The following STK32B variants were observed in gnomAD, a reference collection of about 807,000 sequenced individuals.
STK32B encodes the protein serine/threonine-protein kinase 32B.
In STK32B, 43 loss-of-function variants were observed where a neutral mutation model predicts 52.6. The ratio of observed to expected loss-of-function variants is 0.82; its 90% CI spans 0.64 to 1.05. The LOEUF (loss-of-function observed/expected upper bound fraction) is 1.05. Ranked by LOEUF, STK32B falls within the 50% of genes least tolerant of loss-of-function variation. STK32B has a pLI of 0.00. For missense variants in STK32B, 621 were observed against 534.6 expected, an observed-to-expected ratio of 1.16 and a Z score of -1.59; for synonymous variants, 238 against 204.3, an observed-to-expected ratio of 1.17 and a Z score of -1.41.
chr4:5,494,731 G>GT (rs996772426), intron 11 of STK32B, among the ~76,000 whole-genome samples: 1 of 151,646 alleles, frequency 6.6e-6, no homozygotes, highest in African/African-American at 2.4e-5. Context: ...TCCTTTCCAT[G>GT]TTTAGTGCTT....
At chr4:5,284,967 T>G (rs997894376) in intron 3 of STK32B, among the ~76,000 whole-genome samples, 4 of 152,196 alleles carry the variant, frequency 2.6e-5, no homozygotes, top group African/African-American at 9.6e-5. Context: ...TGCCTGATAA[T>G]GTACCACAGC....
chr4:5,459,912 C>G (rs942569745), intron 8 of STK32B, among the ~76,000 whole-genome samples, 191 bp from the exon 9 acceptor site: 3 of 152,200 alleles, frequency 2.0e-5, no homozygotes, highest in African/African-American at 7.2e-5. Flanking sequence ...CCTGACCTCT[C>G]AGTTTCTCCC....
chr4:5,186,004 C>T lies in STK32B; in HGVS notation c.260+17554C>T, dbSNP rs78972693. 7.1e-3 allele frequency among the ~76,000 whole-genome samples: 1,081 copies of T among 152,338 alleles called. 8 individuals are homozygous for T. Among genetic ancestry groups the T allele is most frequent in the African/African-American group, 0.024 (1,007 of 41,564 alleles). ...CTCAGGCTGTGCCCTCTGCCTGGAA[C>T]ACCGTCTGTTCTTCGGTCACTGCGA... On this transcript the variant is annotated intron_variant, in intron 3 of 11. Coordinates refer to ENST00000282908, the MANE Select transcript of STK32B (RefSeq NM_018401.3).
chr4:5,395,116 T>G lies in STK32B; in HGVS notation c.435-3091T>G, dbSNP rs780950223. Among the ~76,000 whole-genome samples the G allele has an allele frequency of 1.8e-4, 28 of 152,146 alleles. No individual in the cohort carries two copies. Among genetic ancestry groups the G allele is most frequent in the Non-Finnish European group, 3.4e-4 (23 of 68,038 alleles). ...TTGCTACATATAGGCCAGCGGTCACTCTTCCTCCCAGGGACAGCTACATTC... is the reference window on the plus strand; with the variant it reads ...TTGCTACATATAGGCCAGCGGTCACGCTTCCTCCCAGGGACAGCTACATTC... On this transcript the variant is annotated intron_variant, in intron 4 of 11. Transcript: ENST00000282908. This position sits in a 1 kb window ranked among gnomAD's most constrained non-coding sequence, Gnocchi z 4.4.
intron 1 of STK32B, among the ~76,000 whole-genome samples, chr4:5,077,256 T>G (rs1712139018): frequency 6.6e-6 from 1 of 152,120 alleles, no homozygotes; most frequent in Non-Finnish European, 1.5e-5. Context: ...CAAAGAGAGA[T>G]AAAGCGGAAT....
chr4:5,154,890 G>A (rs1174314306), intron 2 of STK32B, among the ~76,000 whole-genome samples: 2 of 152,198 alleles, frequency 1.3e-5, no homozygotes, highest in Non-Finnish European at 2.9e-5. Context: ...CCAGGGATGT[G>A]CGCAAATCAT....
chr4:5,319,907 G>C (rs1172420939), intron 3 of STK32B, among the ~76,000 whole-genome samples: 1 of 152,108 alleles, frequency 6.6e-6, no homozygotes, highest in African/African-American at 2.4e-5. Flanking sequence ...TGAGACCTCA[G>C]ACCTTGCCCC....
chr4:5,487,534 G>A (rs1031469459), intron 11 of STK32B, among the ~76,000 whole-genome samples: 15 of 152,198 alleles, frequency 9.9e-5, no homozygotes, highest in African/African-American at 1.9e-4. Flanking sequence ...TGGGTGAGAC[G>A]TGTTGTAGCC....
upstream of STK32B, chr4:5,051,462 T>C: frequency 4.3e-6 from 1 of 233,910 alleles, no homozygotes; most frequent in Non-Finnish European, 8.2e-6. Context: ...CCTTCGTCCG[T>C]CCCCTCCTCC....
intron 3 of STK32B, among the ~76,000 whole-genome samples, chr4:5,250,488 G>A (rs1011405110): frequency 6.6e-6 from 1 of 151,726 alleles, no homozygotes; most frequent in Non-Finnish European, 1.5e-5. Context: ...AATTTTTGTA[G>A]TTTTAGTAGA....
the STK32B span, among the ~76,000 whole-genome samples, chr4:5,041,360 A>T: frequency 1.3e-5 from 2 of 152,180 alleles, no homozygotes; most frequent in African/African-American, 4.8e-5. Context: ...ATACAATGAA[A>T]TACATTGCAC....
chr4:5,222,052 G>A (rs62298558), intron 3 of STK32B, among the ~76,000 whole-genome samples: 14,207 of 152,172 alleles, frequency 0.093, 851 homozygotes, highest in Non-Finnish European at 0.12. Flanking sequence ...CCCCTCTGGA[G>A]GATGCAGCAT....
intron 1 of STK32B, among the ~76,000 whole-genome samples, chr4:5,054,334 G>T (rs1741913742): frequency 6.6e-6 from 1 of 152,104 alleles, no homozygotes; most frequent in Non-Finnish European, 1.5e-5. Flanking sequence ...CTGGAGGAGG[G>T]TCCCTAACTC....
At position 5,485,388 on chromosome 4, in the gene STK32B, G is replaced by A. The variant is rs865928080; in HGVS notation, c.1107-13557G>A. ...CTTCCAGTTGATCGAATCGGCTACT[G>A]AGGCTTGTGCATTCGTCATGTAGTT... On this transcript the variant is annotated intron_variant, in intron 11 of 11. Transcript: ENST00000282908. Among the ~76,000 whole-genome samples, 5 of 152,168 alleles carry A rather than the reference G, an allele frequency of 3.3e-5. No homozygotes were observed. In the South Asian group the frequency reaches 8.3e-4, roughly 25 times the overall value.
chr4:5,318,704 C>T (rs1297650641), intron 3 of STK32B, among the ~76,000 whole-genome samples: 1 of 152,150 alleles, frequency 6.6e-6, no homozygotes, highest in African/African-American at 2.4e-5. Flanking sequence ...TGACTAACTC[C>T]AAGTCCCTCA....
intron 3 of STK32B, among the ~76,000 whole-genome samples, chr4:5,312,731 G>A (rs62300002): frequency 7.9e-5 from 12 of 151,746 alleles, no homozygotes; most frequent in Admixed American, 2.0e-4. Context: ...ATTGTGAATA[G>A]TGCCACAATA....
At chr4:5,227,087 T>G (rs1223750667) in intron 3 of STK32B, among the ~76,000 whole-genome samples, 4 of 152,330 alleles carry the variant, frequency 2.6e-5, no homozygotes, top group African/African-American at 9.6e-5. Context: ...TTGGTTGAAA[T>G]ATATGAAGAA....
chr4:5,456,815 C>T lies in STK32B; in HGVS notation c.675C>T (p.Tyr225=), dbSNP rs776978325. The T allele has an allele frequency of 5.7e-6, 9 of 1,580,592 alleles. No individual in the cohort carries two copies. The highest frequency in any genetic ancestry group is 3.5e-5 in the South Asian group (3 of 84,924). Residue 225 remains tyrosine (Y), a synonymous_variant, in exon 8 of 12, where the codon TAC becomes TAT. Coordinates refer to ENST00000282908, the MANE Select transcript of STK32B (RefSeq NM_018401.3). ...AYELLRGWRP[Y]EIHSVTPIDE... is the part of the protein sequence containing the mutation. ...TTGTTCTTTGATTGCAGAGGCCGTA[C>T]GAAATCCACTCGGTCACGCCCATCG...
chr4:5,416,943 T>G lies in STK32B; in HGVS notation c.562+9T>G. On this transcript the variant is annotated intron_variant, in intron 6 of 11. Coordinates refer to ENST00000282908, the MANE Select transcript of STK32B (RefSeq NM_018401.3). Reference sequence around the variant, plus strand: ...CACCAAGCCCTACATGGGTGAGTGTTCCAGGCCCCTTCTTTTCATGTGATC... The same window carrying G: ...CACCAAGCCCTACATGGGTGAGTGTGCCAGGCCCCTTCTTTTCATGTGATC... 1.2e-6 allele frequency: 2 copies of G among 1,608,372 alleles called. No individual in the cohort carries two copies. The highest frequency in any genetic ancestry group is 1.7e-6 in the Non-Finnish European group (2 of 1,177,326).
Sources: allele counts gnomAD v4.1 joint callset (sites outside exome capture counted in the v4.1 genomes callset), GRCh38; gene constraint gnomAD v4.1.1; non-coding constraint Gnocchi (gnomAD v3.1); transcripts MANE v1.5; gene names NCBI Gene and HGNC (gene_info 2026-07-23, HGNC 2026-07-21).